DENND5B: variants seen among roughly 807,000 people sequenced by gnomAD.
The protein encoded by DENND5B is DENN domain containing 5B, also known as DENN domain-containing protein 5B.
A neutral mutation model predicts 140.6 loss-of-function variants in DENND5B; 34 were observed. The observed-to-expected ratio is 0.24, with a 90% CI of 0.18 to 0.32. The LOEUF (loss-of-function observed/expected upper bound fraction) is 0.32. Ranked by LOEUF, DENND5B falls within the 10% of genes least tolerant of loss-of-function variation. DENND5B has a pLI of 1.00. For synonymous variants in DENND5B, 551 were observed against 562.1 expected, an observed-to-expected ratio of 0.98 and a Z score of 0.28; for missense variants, 1,142 against 1,560.2, an observed-to-expected ratio of 0.73 and a Z score of 4.52.
intron 3 of DENND5B, among the ~76,000 whole-genome samples, chr12:31,467,335 A>G (rs1295403819): frequency 3.3e-5 from 5 of 152,174 alleles, no homozygotes; most frequent in Admixed American, 1.3e-4. Flanking sequence ...TCAAAAAATA[A>G]TAACTGAGGC....
chr12:31,429,788 C>A (rs1299977345), intron 8 of DENND5B, among the ~76,000 whole-genome samples: 2 of 151,780 alleles, frequency 1.3e-5, no homozygotes, highest in Non-Finnish European at 2.9e-5. Context: ...CTCACTGTAA[C>A]CTCCACCTCC....
At chr12:31,555,281 C>T (rs1009696396) in intron 1 of DENND5B, among the ~76,000 whole-genome samples, 14 of 152,110 alleles carry the variant, frequency 9.2e-5, no homozygotes, top group Non-Finnish European at 1.5e-4. Context: ...CAGACAGGAC[C>T]CTCAGCTGCA....
intron 3 of DENND5B, among the ~76,000 whole-genome samples, chr12:31,463,915 G>A (rs1194622177): frequency 6.6e-6 from 1 of 152,122 alleles, no homozygotes; most frequent in East Asian, 1.9e-4. Flanking sequence ...TGATCCACAC[G>A]CCTTTGCCTC....
At chr12:31,462,151 A>G (rs1021956471) in intron 3 of DENND5B, among the ~76,000 whole-genome samples, 1 of 152,128 alleles carries the variant, frequency 6.6e-6, no homozygotes, top group African/African-American at 2.4e-5. Context: ...TACGAGCACA[A>G]AGAGCTAACC....
Position 31,416,849 on chromosome 12 carries a change from G to A in DENND5B, c.2471-1401C>T, listed in dbSNP as rs76711972. Among the ~76,000 whole-genome samples the A allele has an allele frequency of 9.7e-3, 1,453 of 150,430 alleles. 26 individuals are homozygous for A. Among genetic ancestry groups the A allele is most frequent in the African/African-American group, 0.033 (1,360 of 40,924 alleles). On this transcript the variant is annotated intron_variant, in intron 11 of 20. Transcript: ENST00000389082. ...AGCCTGGACTACACAGAAAGACCCCGTTTTTGCAAATAATTATATGGGTTT... is the reference window on the plus strand; with the variant it reads ...AGCCTGGACTACACAGAAAGACCCCATTTTTGCAAATAATTATATGGGTTT...
chr12:31,541,994 A>G (rs1413202282), intron 1 of DENND5B, among the ~76,000 whole-genome samples: 2 of 152,214 alleles, frequency 1.3e-5, no homozygotes, highest in African/African-American at 2.4e-5. Flanking sequence ...GGAGCTAAAA[A>G]TTAAAACAAC....
Position 31,398,279 on chromosome 12 carries a change from G to C in DENND5B, c.3152C>G (p.Ala1051Gly), listed in dbSNP as rs372149130. ...RILIGELMTS[A>G]SDEDLVKQCR... ...CTGCTTTACTAGATCTTCATCTGAT[G>C]CTGATGTCATCAACTCTCCAATAAG... The change falls in exon 17 of 21, where the codon GCA becomes GGA. Residue 1051 changes from alanine to glycine, a missense_variant. Around this residue, in one of 5 missense-constraint regions of DENND5B, gnomAD observed 268 missense variants for 349.2 expected, o/e 0.77. Coordinates refer to ENST00000389082, the MANE Select transcript of DENND5B (RefSeq NM_144973.4). The C allele has an allele frequency of 5.1e-6, 8 of 1,570,174 alleles. No individual in the cohort carries two copies. The highest frequency in any genetic ancestry group is 1.7e-4 in the Middle Eastern group (1 of 6,040).
chr12:31,492,534 A>G (rs1463540217), intron 2 of DENND5B, among the ~76,000 whole-genome samples: 2 of 152,160 alleles, frequency 1.3e-5, no homozygotes, highest in Non-Finnish European at 2.9e-5. Context: ...GGGCCTCCCT[A>G]TGTTGCTTAG....
At chr12:31,468,716 C>CA (rs1432680709) in intron 3 of DENND5B, among the ~76,000 whole-genome samples, 3 of 152,008 alleles carry the variant, frequency 2.0e-5, no homozygotes, top group Admixed American at 1.3e-4. Flanking sequence ...GAGGCTAAGG[C>CA]AGGAGGATTG....
chr12:31,427,467 G>C lies in DENND5B; in HGVS notation c.2107-1043C>G, dbSNP rs189245019. Among the ~76,000 whole-genome samples, 811 of 152,036 alleles carry C rather than the reference G, an allele frequency of 5.3e-3. 7 individuals carry two copies. Among genetic ancestry groups the C allele is most frequent in the Non-Finnish European group, 6.8e-3 (462 of 67,974 alleles). ...CTAAAAATACAAAAATTAGCCACGC[G>C]TGGTGGTGGACGTCTGTAATCCCAG... On this transcript the variant is annotated intron_variant, in intron 8 of 20. Coordinates refer to ENST00000389082, the MANE Select transcript of DENND5B (RefSeq NM_144973.4).
intron 11 of DENND5B, among the ~76,000 whole-genome samples, chr12:31,418,935 G>C (rs1025571709): frequency 2.0e-5 from 3 of 152,128 alleles, no homozygotes; most frequent in African/African-American, 7.2e-5. Context: ...CAGTGTGCCT[G>C]GCAATTCCTG....
chr12:31,577,067 T>C (rs899292348), intron 1 of DENND5B, among the ~76,000 whole-genome samples: 4 of 152,160 alleles, frequency 2.6e-5, no homozygotes, highest in African/African-American at 7.2e-5. Context: ...AGGGTGATCT[T>C]TGAAGAAGGG....
intron 1 of DENND5B, among the ~76,000 whole-genome samples, chr12:31,567,069 A>G (rs1949658751): frequency 6.6e-6 from 1 of 152,224 alleles, no homozygotes; most frequent in Non-Finnish European, 1.5e-5. Flanking sequence ...TCCTATTGCA[A>G]CACCTTATTT....
At chr12:31,545,473 T>C (rs1948824681) in intron 1 of DENND5B, among the ~76,000 whole-genome samples, 1 of 152,166 alleles carries the variant, frequency 6.6e-6, no homozygotes, top group Admixed American at 6.6e-5. Context: ...CACTTACAAA[T>C]GTGAACATGT....
chr12:31,473,913 G>A (rs988755422), intron 3 of DENND5B, among the ~76,000 whole-genome samples: 8 of 152,274 alleles, frequency 5.3e-5, no homozygotes, highest in African/African-American at 1.9e-4. Flanking sequence ...GGAACTGTAG[G>A]AGAACCTTCT....
At chr12:31,548,984 C>A (rs1948949620) in intron 1 of DENND5B, among the ~76,000 whole-genome samples, 1 of 152,118 alleles carries the variant, frequency 6.6e-6, no homozygotes, top group African/African-American at 2.4e-5. Flanking sequence ...CAGCCTTGAA[C>A]CCCTGAGCTC....
intron 1 of DENND5B, among the ~76,000 whole-genome samples, chr12:31,521,235 C>G (rs1947869404): frequency 6.6e-6 from 1 of 151,644 alleles, no homozygotes; most frequent in Admixed American, 6.6e-5. Flanking sequence ...ATAGTAAGTT[C>G]AGAGATAAGG....
chr12:31,442,676 A>T, intron 7 of DENND5B, 99 bp downstream of exon 7: 1 of 1,269,706 alleles, frequency 7.9e-7, no homozygotes, highest in South Asian at 2.1e-5. Context: ...AAGTAATCAG[A>T]TAGATGTTTA....
intron 1 of DENND5B, among the ~76,000 whole-genome samples, chr12:31,578,471 G>A (rs1401677861): frequency 6.6e-6 from 1 of 152,162 alleles, no homozygotes; most frequent in East Asian, 1.9e-4. Flanking sequence ...AGTAACGGTA[G>A]CTTACCAGTA....
Sources: allele counts gnomAD v4.1 joint callset (sites outside exome capture counted in the v4.1 genomes callset), GRCh38; gene constraint gnomAD v4.1.1; regional missense constraint gnomAD v4.1.1; transcripts MANE v1.5; gene names NCBI Gene and HGNC (gene_info 2026-07-23, HGNC 2026-07-21).